Variants in RBFOX1 observed in about 807,000 individuals in gnomAD.
The protein encoded by RBFOX1 is RNA binding protein fox-1 homolog 1.
RBFOX1 carries 8 observed loss-of-function variants against 57.7 expected under a neutral mutation model. The ratio of observed to expected loss-of-function variants is 0.14; its 90% CI spans 0.08 to 0.25. RBFOX1 has a LOEUF of 0.25. RBFOX1 is among the 10% of genes least tolerant of loss of function. RBFOX1 has a pLI of 1.00. For synonymous variants in RBFOX1, 326 were observed against 222.4 expected, an observed-to-expected ratio of 1.47 and a Z score of -4.15; for missense variants, 611 against 548.5, an observed-to-expected ratio of 1.11 and a Z score of -1.14.
At chr16:5,528,545 CTTTTTT>C (rs755227280) in intron 2 of RBFOX1, among the ~76,000 whole-genome samples, 6 of 115,246 alleles carry the variant, frequency 5.2e-5, no homozygotes, top group Non-Finnish European at 7.1e-5. Flanking sequence ...GACAGCTCTT[CTTTTTT>C]TTTTTTTTTT....
rs950106377 is a variant in RBFOX1 at position 6,584,426 on chromosome 16, G to A, written c.-63-70177G>A. 2.0e-5 allele frequency among the ~76,000 whole-genome samples: 3 copies of A among 150,560 alleles called. No individual in the cohort carries two copies. In the Admixed American group the frequency reaches 2.0e-4, roughly 10 times the overall value. On this transcript the variant is annotated intron_variant, in intron 2 of 15. Coordinates refer to ENST00000550418, the MANE Select transcript of RBFOX1 (RefSeq NM_018723.4). ...TCTTTCACCCAGGCTAGAGTGCAGT[G>A]GCATGATCTTAGCACACTCCAACCT...
intron 1 of RBFOX1, among the ~76,000 whole-genome samples, chr16:5,304,845 C>A (rs887057548): frequency 1.3e-5 from 2 of 152,080 alleles, no homozygotes; most frequent in East Asian, 1.9e-4. Context: ...TTTTTTCCCC[C>A]AAAACAATAT....
At chr16:5,749,841 C>A (rs958655182) in intron 3 of RBFOX1, among the ~76,000 whole-genome samples, 1 of 152,080 alleles carries the variant, frequency 6.6e-6, no homozygotes, top group Non-Finnish European at 1.5e-5. Flanking sequence ...GAAGTTTGAT[C>A]GTCTGAAGCC....
At chr16:6,527,291 A>T (rs1000208482) in intron 2 of RBFOX1, among the ~76,000 whole-genome samples, 1 of 152,062 alleles carries the variant, frequency 6.6e-6, no homozygotes, top group Non-Finnish European at 1.5e-5. Context: ...TATTTTCAGA[A>T]ATGTGATATC....
chr16:6,611,225 C>T (rs1464070657), intron 2 of RBFOX1, among the ~76,000 whole-genome samples: 7 of 152,162 alleles, frequency 4.6e-5, no homozygotes, highest in Admixed American at 4.6e-4. Flanking sequence ...AGGATCACTG[C>T]AACCTCCGGC....
intron 3 of RBFOX1, among the ~76,000 whole-genome samples, chr16:5,725,513 C>G (rs963141199): frequency 6.6e-6 from 1 of 151,862 alleles, no homozygotes; most frequent in Non-Finnish European, 1.5e-5. Flanking sequence ...AATTCTCCTA[C>G]CTTAGCCTCC....
At chr16:7,284,981 A>T (rs963374664) in intron 4 of RBFOX1, among the ~76,000 whole-genome samples, 2 of 147,570 alleles carry the variant, frequency 1.4e-5, no homozygotes, top group African/African-American at 5.1e-5. Context: ...CCAACGCCTC[A>T]TCCCTCCGTT....
intron 4 of RBFOX1, among the ~76,000 whole-genome samples, chr16:7,073,383 G>A (rs140395076): frequency 1.2e-3 from 187 of 152,276 alleles, no homozygotes; most frequent in African/African-American, 4.4e-3. Context: ...AACAAAGCAT[G>A]AAAATGAGCT....
At chr16:6,989,017 A>AT (rs1223166640) in intron 3 of RBFOX1, among the ~76,000 whole-genome samples, 4 of 151,642 alleles carry the variant, frequency 2.6e-5, no homozygotes, top group African/African-American at 9.7e-5. Context: ...CCCCCCTCGG[A>AT]CTCCCAAAGT....
chr16:6,436,169 C>A (rs1006271819), intron 2 of RBFOX1, among the ~76,000 whole-genome samples: 1 of 151,952 alleles, frequency 6.6e-6, no homozygotes, highest in Non-Finnish European at 1.5e-5. Context: ...AAATGCAGCT[C>A]AATACAGTTA....
chr16:7,551,377 A>C (rs1454963169), intron 5 of RBFOX1, among the ~76,000 whole-genome samples: 1 of 152,174 alleles, frequency 6.6e-6, no homozygotes, highest in Non-Finnish European at 1.5e-5. Flanking sequence ...CAGGGGCCCC[A>C]GCTCACTGCC....
chr16:7,239,357 G>T (rs2093939726), intron 4 of RBFOX1, among the ~76,000 whole-genome samples: 2 of 152,152 alleles, frequency 1.3e-5, no homozygotes, highest in Non-Finnish European at 2.9e-5. Flanking sequence ...AAATTAGCCA[G>T]GCGTGGTGGT....
At chr16:7,193,408 G>C (rs1163208719) in intron 4 of RBFOX1, among the ~76,000 whole-genome samples, 1 of 152,238 alleles carries the variant, frequency 6.6e-6, no homozygotes, top group African/African-American at 2.4e-5. Context: ...ACCTGCATCA[G>C]ATTTCTGAAC....
chr16:6,020,541 G>A (rs1193133103), intron 1 of RBFOX1, among the ~76,000 whole-genome samples: 1 of 152,168 alleles, frequency 6.6e-6, no homozygotes, highest in Non-Finnish European at 1.5e-5. Flanking sequence ...TCGATGCCCC[G>A]CGGTGCCACC....
At chr16:6,565,469 G>C (rs1461319466) in intron 2 of RBFOX1, among the ~76,000 whole-genome samples, 2 of 151,270 alleles carry the variant, frequency 1.3e-5, no homozygotes, top group African/African-American at 4.9e-5. Flanking sequence ...ATGTTAGCCA[G>C]GATGGTCTCG....
intron 3 of RBFOX1, among the ~76,000 whole-genome samples, chr16:7,011,185 A>G (rs1485555036): frequency 3.3e-5 from 5 of 152,186 alleles, no homozygotes; most frequent in South Asian, 2.1e-4. Flanking sequence ...TTTGATTTCA[A>G]TAATTAGCAG....
rs1481856184 is a variant in RBFOX1, at chr16:6,517,540, G to A, written c.-63-137063G>A. Among the ~76,000 whole-genome samples, 4 of 152,114 alleles carry A rather than the reference G, an allele frequency of 2.6e-5. No individual in the cohort carries two copies. In the East Asian group the frequency reaches 5.8e-4, roughly 22 times the overall value. On this transcript the variant is annotated intron_variant, in intron 2 of 15. Transcript: ENST00000550418. ...TTCTCCACCTACACTGCCGAAGTGGGAGAGGATGTGAGGATTTATATTCAA... is the reference window on the plus strand; with the variant it reads ...TTCTCCACCTACACTGCCGAAGTGGAAGAGGATGTGAGGATTTATATTCAA...
Position 5,424,880 on chromosome 16 carries a change from TTTCTTTC to T in RBFOX1, c.220-42333_220-42327del, listed in dbSNP as rs2067475866. 5.9e-3 allele frequency among the ~76,000 whole-genome samples: 73 copies of T among 12,336 alleles called. 1 individual carries two copies. The highest frequency in any genetic ancestry group is 5.2e-3 in the South Asian group (2 of 382). 8.1% of individuals were successfully genotyped at this position (12,336 alleles called of 152,430 possible). ...CTCTCTTCTTTCTTTCTTTTTTTTCTTTCTTTCTTTCTTTCTTTCTTTCTTTCTTTCT... is the reference window on the plus strand; with the variant it reads ...CTCTCTTCTTTCTTTCTTTTTTTTCTTTTCTTTCTTTCTTTCTTTCTTTCT... On this transcript the variant is annotated intron_variant, in intron 1 of 2. Transcript: ENST00000585867.
intron 1 of RBFOX1, among the ~76,000 whole-genome samples, chr16:6,272,701 A>G (rs2075336324): frequency 6.6e-6 from 1 of 152,206 alleles, no homozygotes; most frequent in Non-Finnish European, 1.5e-5. Context: ...ATATAGCTAC[A>G]GTAATCCGGT....
Sources: allele counts gnomAD v4.1 joint callset (sites outside exome capture counted in the v4.1 genomes callset), GRCh38; gene constraint gnomAD v4.1.1; transcripts MANE v1.5; gene names NCBI Gene and HGNC (gene_info 2026-07-23, HGNC 2026-07-21).